LGALS9C: variants seen among roughly 807,000 people sequenced by gnomAD.
LGALS9C encodes galectin 9C, also known as galectin-9C.
Under a neutral mutation model 41.3 loss-of-function variants are expected in LGALS9C, and 7 were observed. That is an observed-to-expected ratio of 0.17 (90% CI 0.10 to 0.32). The LOEUF (loss-of-function observed/expected upper bound fraction) is 0.32. Among genes scored for constraint, LGALS9C ranks in the 10% least tolerant of loss-of-function variants. LGALS9C has a pLI of 1.00. For missense variants in LGALS9C, 102 were observed against 455.2 expected, an observed-to-expected ratio of 0.22 and a Z score of 7.06; for synonymous variants, 44 against 171.0, an observed-to-expected ratio of 0.26 and a Z score of 5.80.
intron 8 of LGALS9C, 111 bp from the exon 9 acceptor site, chr17:18,492,346 G>C (rs539685981): frequency 7.4e-7 from 1 of 1,353,862 alleles, no homozygotes; most frequent in African/African-American, 1.4e-5. Context: ...AGATATCGTG[G>C]GCTTCTTCTC....
In LGALS9C at chr17:18,492,343, G is replaced by A. The variant is rs1989842089; in HGVS notation, c.673-114G>A. 3.8e-5 allele frequency: 51 copies of A among 1,331,026 alleles called. 7 individuals are homozygous for A. The highest frequency in any genetic ancestry group is 4.8e-5 in the Non-Finnish European group (45 of 946,574). The allele number at this position is 1,331,026 out of a possible 1,614,324, so 82.5% of individuals were successfully genotyped here. ...TTTTATGGAACCAAGGAAAGATATC[G>A]TGGGCTTCTTCTCAGCTGACAGCCT... is the stretch of plus-strand genomic sequence containing the variant. On this transcript the variant is annotated intron_variant, in intron 8 of 10. Transcript: ENST00000328114.
At chr17:18,478,624 C>T (rs1229865187) in intron 1 of LGALS9C, among the ~76,000 whole-genome samples, 3 of 118,672 alleles carry the variant, frequency 2.5e-5, no homozygotes, top group African/African-American at 8.0e-5. Flanking sequence ...CTAGCCCAGC[C>T]TCTTTGGAGG....
Position 18,492,644 on chromosome 17 carries a change from A to C in LGALS9C, c.762-53A>C, listed in dbSNP as rs1598153158. 2.0e-6 allele frequency: 3 copies of C among 1,514,764 alleles called. No individual in the cohort carries two copies. In the Admixed American group the frequency reaches 5.2e-5, roughly 26 times the overall value. 93.8% of individuals were successfully genotyped at this position (1,514,764 alleles called of 1,614,324 possible). A position where few individuals can be genotyped will look rare whatever the true frequency, so the allele number is the denominator to read the frequency against. ...TGGCAGGCTGGGGATGATGGGGAGG[A>C]AATGGGGCTCAGAACTCAGTGGACA... On this transcript the variant is annotated intron_variant, in intron 9 of 10. Coordinates refer to ENST00000328114, the MANE Select transcript of LGALS9C (RefSeq NM_001040078.3).
At chr17:18,486,520 T>C (rs547001527) in intron 3 of LGALS9C, 1 of 285,986 alleles carries the variant, frequency 3.5e-6, no homozygotes, top group East Asian at 6.8e-5. Flanking sequence ...CAGAGTCTAT[T>C]ACGGTTATAG....
At chr17:18,480,335 T>A (rs1989347914) in intron 1 of LGALS9C, among the ~76,000 whole-genome samples, 1 of 124,224 alleles carries the variant, frequency 8.0e-6, no homozygotes, top group African/African-American at 2.7e-5. Flanking sequence ...ACCTTTGTGA[T>A]TACATTGGGA....
intron 2 of LGALS9C, among the ~76,000 whole-genome samples, chr17:18,484,901 C>T (rs575188348): frequency 2.1e-5 from 3 of 145,662 alleles, no homozygotes; most frequent in East Asian, 1.9e-4. Context: ...ATCCTCCAAC[C>T]GGGGGAATCA....
At chr17:18,487,108 G>C (rs370778849) in intron 3 of LGALS9C, among the ~76,000 whole-genome samples, 14,200 of 128,852 alleles carry the variant, frequency 0.11, 40 homozygotes, top group South Asian at 0.22. Flanking sequence ...GAGGACAGAT[G>C]GCTTGAGGTC....
chr17:18,481,929 A>G (rs1989402105), intron 1 of LGALS9C, among the ~76,000 whole-genome samples: 1 of 142,332 alleles, frequency 7.0e-6, no homozygotes, highest in African/African-American at 2.5e-5. Context: ...TGTTTATTTT[A>G]ACTTGTTATT....
intron 1 of LGALS9C, among the ~76,000 whole-genome samples, chr17:18,483,598 C>CA (rs1989473599): frequency 1.8e-5 from 2 of 108,386 alleles, no homozygotes; most frequent in African/African-American, 5.9e-5. Context: ...CGCTGCCTCT[C>CA]AGACTCTCAC....
intron 1 of LGALS9C, among the ~76,000 whole-genome samples, chr17:18,482,531 G>A (rs1989433777): frequency 7.0e-6 from 1 of 143,662 alleles, no homozygotes; most frequent in East Asian, 1.9e-4. Flanking sequence ...AAAAATTCAG[G>A]TTTCTGTCTC....
rs757569433 is a variant in LGALS9C at position 18,483,929 on chromosome 17, A to G, written c.94A>G (p.Thr32Ala). The change falls in exon 2 of 11, where the codon ACT becomes GCT. Residue 32 changes from threonine to alanine, a missense_variant. Coordinates refer to ENST00000328114, the MANE Select transcript of LGALS9C (RefSeq NM_001040078.3). Reference protein sequence around the residue: ...QGGLQDGFQITVNGAVLSCSG... With the variant: ...QGGLQDGFQIAVNGAVLSCSG... The stretch of plus-strand genomic sequence containing the variant: ...GGGTCTCCAGGACGGATTTCAGATC[A>G]CTGTCAATGGGGCCGTTCTCAGCTG... 9.5e-6 allele frequency: 13 copies of G among 1,366,772 alleles called. 2 individuals carry two copies. The East Asian group carries it at 2.0e-4, about 21-fold the overall frequency. 84.7% of individuals were successfully genotyped at this position (1,366,772 alleles called of 1,614,324 possible). A position where few individuals can be genotyped will look rare whatever the true frequency, so the allele number is the denominator to read the frequency against.
At chr17:18,487,076 C>G (rs1989616464) in intron 3 of LGALS9C, 1 of 157,746 alleles carries the variant, frequency 6.3e-6, no homozygotes, top group Admixed American at 6.0e-5. Flanking sequence ...CCCTTATAAT[C>G]CAAGCACTTT....
chr17:18,492,819 T>G lies in LGALS9C; in HGVS notation c.884T>G (p.Leu295Arg). ...NNSWGSEERS[L>R]PRKMPFVRGQ... Reference sequence around the variant, plus strand: ...TCTTGGGGGTCTGAGGAGCGAAGTCTGCCCCGAAAAATGCCCTTCGTCCGA... The same window carrying G: ...TCTTGGGGGTCTGAGGAGCGAAGTCGGCCCCGAAAAATGCCCTTCGTCCGA... The change falls in exon 10 of 11, where the codon CTG becomes CGG. Residue 295 changes from leucine (L) to arginine (R), a missense_variant. Physicochemically the swap from Leu to Arg is moderately radical, Grantham distance 102. Transcript: ENST00000328114. The G allele has an allele frequency of 6.6e-7, 1 of 1,507,672 alleles. No individual in the cohort carries two copies. Among genetic ancestry groups the G allele is most frequent in the Non-Finnish European group, 9.1e-7 (1 of 1,097,100 alleles). The allele number at this position is 1,507,672 out of a possible 1,614,324, so 93.4% of individuals were successfully genotyped here. A position where few individuals can be genotyped will look rare whatever the true frequency, so the allele number is the denominator to read the frequency against.
intron 1 of LGALS9C, among the ~76,000 whole-genome samples, chr17:18,480,976 G>A (rs1380804336): frequency 3.4e-5 from 5 of 146,698 alleles, no homozygotes; most frequent in African/African-American, 1.2e-4. Flanking sequence ...AATTAGTGGG[G>A]CATGGCTTGG....
chr17:18,482,530 G>T (rs1392218148), intron 1 of LGALS9C, among the ~76,000 whole-genome samples: 1 of 143,276 alleles, frequency 7.0e-6, no homozygotes, highest in Non-Finnish European at 1.6e-5. Flanking sequence ...AAAAAATTCA[G>T]GTTTCTGTCT....
rs1166687895 is a variant in LGALS9C at position 18,482,507 on chromosome 17, CAAAA to C, written c.40-1353_40-1350del. On this transcript the variant is annotated intron_variant, in intron 1 of 10. Transcript: ENST00000328114. The stretch of plus-strand genomic sequence containing the variant: ...TCCCCCAAGAAATTAGAAAGTTTTA[CAAAA>C]AAAAAAAAAAAAAATTCAGGTTTCT... 4.5e-4 allele frequency among the ~76,000 whole-genome samples: 43 copies of C among 95,254 alleles called. 2 individuals are homozygous for C. Among genetic ancestry groups the C allele is most frequent in the Middle Eastern group, 0.013 (2 of 156 alleles). The allele number at this position is 95,254 out of a possible 152,430, so 62.5% of individuals were successfully genotyped here. A position where few individuals can be genotyped will look rare whatever the true frequency, so the allele number is the denominator to read the frequency against.
chr17:18,493,191 G>A (rs1412759751), intron 10 of LGALS9C, among the ~76,000 whole-genome samples: 1 of 121,320 alleles, frequency 8.2e-6, no homozygotes, highest in African/African-American at 2.8e-5. Flanking sequence ...TTTCACTGTC[G>A]CCCGCTTTGT....
rs570319440 is a variant in LGALS9C at position 18,491,144 on chromosome 17, C to T, written c.577-129C>T. 37 of 1,069,924 alleles carry T rather than the reference C, an allele frequency of 3.5e-5. 5 individuals carry two copies. Among genetic ancestry groups the T allele is most frequent in the South Asian group, 1.1e-4 (7 of 63,036 alleles). 66.3% of individuals were successfully genotyped at this position (1,069,924 alleles called of 1,614,324 possible). The stretch of plus-strand genomic sequence containing the variant: ...TCCCTCGTCCCCTGGACCCACCCTC[C>T]GTGGGGTCTGTGGGGCCACTGGGCT... On this transcript the variant is annotated intron_variant, in intron 6 of 10. Transcript: ENST00000328114.
intron 1 of LGALS9C, among the ~76,000 whole-genome samples, chr17:18,480,950 T>C (rs879749293): frequency 0.045 from 6,329 of 140,698 alleles, 111 homozygotes; most frequent in Non-Finnish European, 0.064. Flanking sequence ...ACCTGGTCTT[T>C]TCAAAAAAAT....
Sources: allele counts gnomAD v4.1 joint callset (sites outside exome capture counted in the v4.1 genomes callset), GRCh38; gene constraint gnomAD v4.1.1; transcripts MANE v1.5; gene names NCBI Gene and HGNC (gene_info 2026-07-23, HGNC 2026-07-21).